DAB1: variants seen among roughly 807,000 people sequenced by gnomAD.
The protein encoded by DAB1 is disabled homolog 1.
A neutral mutation model predicts 64.6 loss-of-function variants in DAB1; 15 were observed. The observed-to-expected ratio is 0.23, with a 90% CI of 0.16 to 0.36. The LOEUF (loss-of-function observed/expected upper bound fraction) is 0.36, where lower values mean the gene tolerates loss of function less well. Ranked by LOEUF, DAB1 falls within the 10% of genes least tolerant of loss-of-function variation. The pLI is 1.00. For synonymous variants in DAB1, 235 were observed against 251.9 expected, an observed-to-expected ratio of 0.93 and a Z score of 0.64; for missense variants, 596 against 706.7, an observed-to-expected ratio of 0.84 and a Z score of 1.78.
chr1:57,676,320 T>C (rs1357654351), intron 6 of DAB1, among the ~76,000 whole-genome samples: 1 of 152,172 alleles, frequency 6.6e-6, no homozygotes, highest in Non-Finnish European at 1.5e-5. Context: ...CCAAAGCTCT[T>C]TGACAATCAA....
Position 57,431,144 on chromosome 1 carries a change from A to AC in DAB1, n.626-139979_626-139978insG, listed in dbSNP as rs1442482991. On this transcript the variant is annotated intron_variant and non_coding_transcript_variant, in intron 7 of 20. Transcript: ENST00000485760. Reference sequence around the variant, plus strand: ...AGAAAAAGTATTTCAGGCCAAAAACAAAAAAAAAAAAAAGAAAAACAAAAA... The same window carrying AC: ...AGAAAAAGTATTTCAGGCCAAAAACACAAAAAAAAAAAAAGAAAAACAAAAA... Among the ~76,000 whole-genome samples, 103 of 86,828 alleles carry AC rather than the reference A, an allele frequency of 1.2e-3. 2 individuals are homozygous for AC. Among genetic ancestry groups the AC allele is most frequent in the Middle Eastern group, 0.011 (2 of 182 alleles). The allele number at this position is 86,828 out of a possible 152,430, so 57.0% of individuals were successfully genotyped here. A position where few individuals can be genotyped will look rare whatever the true frequency, so the allele number is the denominator to read the frequency against.
intron 4 of DAB1, among the ~76,000 whole-genome samples, chr1:57,089,195 G>T (rs891162051): frequency 6.6e-6 from 1 of 152,126 alleles, no homozygotes; most frequent in Non-Finnish European, 1.5e-5. Context: ...ATGTTATATT[G>T]TTATTTCAAA....
chr1:57,728,306 C>A (rs3118030), intron 6 of DAB1, among the ~76,000 whole-genome samples: 4,136 of 152,246 alleles, frequency 0.027, 198 homozygotes, highest in African/African-American at 0.093. Context: ...TAAAAGAACA[C>A]CCCCTGGCCG....
At chr1:58,191,616 T>C (rs1026445297) in intron 4 of DAB1, among the ~76,000 whole-genome samples, 1 of 152,234 alleles carries the variant, frequency 6.6e-6, no homozygotes. Context: ...TCCAAAATGA[T>C]GCTTTGCAAT....
At chr1:57,510,712 C>G (rs188625429) in intron 7 of DAB1, among the ~76,000 whole-genome samples, 6 of 152,224 alleles carry the variant, frequency 3.9e-5, no homozygotes, top group African/African-American at 1.4e-4. Context: ...TTTTCACATT[C>G]TTTCTGCCCC....
At chr1:58,130,663 A>T (rs1653490747) in intron 5 of DAB1, among the ~76,000 whole-genome samples, 3 of 151,644 alleles carry the variant, frequency 2.0e-5, no homozygotes, top group Non-Finnish European at 2.9e-5. Context: ...GTGGTGACAA[A>T]ATCTCTCAGC....
chr1:57,737,672 C>A (rs1026130734), intron 6 of DAB1, among the ~76,000 whole-genome samples: 6 of 152,180 alleles, frequency 3.9e-5, no homozygotes, highest in African/African-American at 1.4e-4. Context: ...GCAACCCACA[C>A]TGGACCATCC....
intron 6 of DAB1, among the ~76,000 whole-genome samples, chr1:57,783,889 A>G (rs907909208): frequency 7.2e-5 from 11 of 152,186 alleles, no homozygotes; most frequent in Admixed American, 2.6e-4. Context: ...CCAACTGGTC[A>G]TTCCCCAATC....
chr1:57,033,673 C>A (rs1477078645), intron 9 of DAB1: 6 of 1,211,178 alleles, frequency 5.0e-6, no homozygotes, highest in Non-Finnish European at 6.0e-6. Flanking sequence ...TTCACACTTC[C>A]GTGGTCTCAG....
rs1275330422 is a variant in DAB1, at chr1:58,274,579, G to T, written n.309+68773C>A. 4.7e-5 allele frequency among the ~76,000 whole-genome samples: 7 copies of T among 147,828 alleles called. No individual in the cohort carries two copies. The East Asian group carries it at 1.4e-3, about 31-fold the overall frequency. Reference sequence around the variant, plus strand: ...GCTTTGTTTACCTAAGCACGCCTGGGCAATGGCGGGCGCCCCTCCCCCAGC... The same window carrying T: ...GCTTTGTTTACCTAAGCACGCCTGGTCAATGGCGGGCGCCCCTCCCCCAGC... On this transcript the variant is annotated intron_variant and non_coding_transcript_variant, in intron 4 of 20. Transcript: ENST00000485760.
intron 2 of DAB1, among the ~76,000 whole-genome samples, chr1:57,203,922 C>T (rs1425838141): frequency 1.3e-5 from 2 of 152,132 alleles, no homozygotes; most frequent in South Asian, 4.1e-4. Flanking sequence ...CAGAGTCTTA[C>T]TATGTTGCCC....
intron 5 of DAB1, among the ~76,000 whole-genome samples, chr1:57,929,148 G>T (rs984341288): frequency 1.3e-5 from 2 of 152,128 alleles, no homozygotes; most frequent in Non-Finnish European, 2.9e-5. Context: ...GGTGTGCAGT[G>T]GTATCTCATT....
At chr1:58,440,738 T>C (rs984992658) in intron 3 of DAB1, among the ~76,000 whole-genome samples, 1 of 152,232 alleles carries the variant, frequency 6.6e-6, no homozygotes, top group African/African-American at 2.4e-5. Context: ...AACAACTCTG[T>C]GATATAAGAA....
chr1:57,927,534 A>C (rs77991450), intron 5 of DAB1, among the ~76,000 whole-genome samples: 31 of 152,222 alleles, frequency 2.0e-4, no homozygotes, highest in African/African-American at 7.5e-4. Context: ...AAAAAAACAA[A>C]ACAAAAAACC....
chr1:57,564,185 T>G (rs575547529), intron 7 of DAB1, among the ~76,000 whole-genome samples: 3 of 152,138 alleles, frequency 2.0e-5, no homozygotes, highest in Non-Finnish European at 4.4e-5. Flanking sequence ...GGGTCTGGAG[T>G]GAACCTCCAG....
At chr1:58,074,478 C>G (rs1391553819) in intron 5 of DAB1, 6 of 138,014 alleles carry the variant, frequency 4.3e-5, no homozygotes, top group African/African-American at 1.3e-4. Flanking sequence ...AGAATTATCT[C>G]TGAAGTGGAA....
intron 2 of DAB1, among the ~76,000 whole-genome samples, chr1:57,157,603 C>A (rs1298225957): frequency 2.6e-5 from 4 of 151,654 alleles, no homozygotes; most frequent in Non-Finnish European, 4.4e-5. Context: ...AGAGAGAAAG[C>A]CCTGGCCTCC....
chr1:57,938,301 A>G (rs1645056390), intron 5 of DAB1, among the ~76,000 whole-genome samples: 1 of 152,208 alleles, frequency 6.6e-6, no homozygotes, highest in Admixed American at 6.5e-5. Context: ...ACTAATTTCC[A>G]GGCAGTGTGT....
At chr1:57,941,830 G>C (rs1016351113) in intron 5 of DAB1, among the ~76,000 whole-genome samples, 3 of 151,802 alleles carry the variant, frequency 2.0e-5, no homozygotes, top group Non-Finnish European at 4.4e-5. Flanking sequence ...GTGAGACTCC[G>C]TCTCTTAAAA....
Sources: gnomAD v4.1 joint callset for allele counts (sites outside exome capture counted in the v4.1 genomes callset) on GRCh38, gnomAD v4.1.1 for gene constraint, MANE v1.5 for transcripts, NCBI Gene and HGNC (gene_info 2026-07-23, HGNC 2026-07-21) for gene names.